The following NIPBL variants were observed in gnomAD, a reference collection of about 807,000 sequenced individuals.
The protein encoded by NIPBL is NIPBL cohesin loading factor, also known as nipped-B-like protein.
NIPBL carries 19 observed loss-of-function variants against 321.8 expected under a neutral mutation model. The ratio of observed to expected loss-of-function variants is 0.06; its 90% CI spans 0.04 to 0.09. The LOEUF (loss-of-function observed/expected upper bound fraction) is 0.09, where lower values mean the gene tolerates loss of function less well. Ranked by LOEUF, NIPBL falls within the 10% of genes least tolerant of loss-of-function variation. The pLI is 1.00. For synonymous variants in NIPBL, 1,106 were observed against 1,114.1 expected (o/e 0.99, Z 0.14); for missense variants, 2,210 against 3,327.0 (o/e 0.66, Z 8.26).
intron 32 of NIPBL, 61 bp downstream of exon 32, chr5:37,027,473 T>TG: frequency 3.4e-5 from 44 of 1,297,890 alleles, no homozygotes; most frequent in Non-Finnish European, 4.5e-5. Context: ...TTGTTGTTGG[T>TG]GTTTTTTTTT....
chr5:36,924,301 C>T (rs950775899), intron 1 of NIPBL, among the ~76,000 whole-genome samples: 4 of 152,060 alleles, frequency 2.6e-5, no homozygotes, highest in Admixed American at 2.6e-4. Context: ...TAGTGTGTTA[C>T]TGAATGTTTC....
chr5:37,035,261 C>T (rs1751556800), intron 32 of NIPBL, among the ~76,000 whole-genome samples: 1 of 152,198 alleles, frequency 6.6e-6, no homozygotes, highest in Non-Finnish European at 1.5e-5. Flanking sequence ...ACAATGAGAC[C>T]CTGTCTCAGA....
At chr5:36,922,772 T>C (rs6891775) in intron 1 of NIPBL, among the ~76,000 whole-genome samples, 4,968 of 152,278 alleles carry the variant, frequency 0.033, 262 homozygotes, top group African/African-American at 0.11. Context: ...TTATGTACCA[T>C]CGCAATTTTG....
At chr5:36,952,053 TGCGCGC>T (rs1554010277) in intron 1 of NIPBL, among the ~76,000 whole-genome samples, 3,276 of 112,212 alleles carry the variant, frequency 0.029, 75 homozygotes, top group Admixed American at 0.053. Context: ...TGTGTGTGTG[TGCGCGC>T]GCGCGCGCGC....
intron 3 of NIPBL, among the ~76,000 whole-genome samples, chr5:36,956,926 C>G (rs891632599): frequency 6.6e-6 from 1 of 151,766 alleles, no homozygotes; most frequent in Admixed American, 6.6e-5. Flanking sequence ...TGCCCAGCCT[C>G]TAAATCACTT....
intron 15 of NIPBL, 123 bp from the exon 16 acceptor site, chr5:37,003,138 C>A: frequency 1.6e-6 from 1 of 612,302 alleles, no homozygotes; most frequent in South Asian, 2.4e-5. Flanking sequence ...AGTTTTCTTA[C>A]TCTTTAAGAG....
At position 36,962,027 on chromosome 5, in the gene NIPBL, A is replaced by G. The variant is rs1741682730; in HGVS notation, c.459-96A>G. The G allele has an allele frequency of 2.2e-6, 3 of 1,349,532 alleles. No individual in the cohort carries two copies. The South Asian group carries it at 3.6e-5, about 16-fold the overall frequency. The allele number at this position is 1,349,532 out of a possible 1,614,324, so 83.6% of individuals were successfully genotyped here. Reference sequence around the variant, plus strand: ...GTTTGCATAGATTTTACATATATAAACTAAGAGATCAGAGGACTTTGTGAC... The same window carrying G: ...GTTTGCATAGATTTTACATATATAAGCTAAGAGATCAGAGGACTTTGTGAC... On this transcript the variant is annotated intron_variant, in intron 5 of 46. Transcript: ENST00000282516.
chr5:36,881,081 G>T (rs533867983), intron 1 of NIPBL, among the ~76,000 whole-genome samples: 1 of 152,042 alleles, frequency 6.6e-6, no homozygotes, highest in Non-Finnish European at 1.5e-5. Context: ...CATTTTTCTT[G>T]TCTTTGAGAG....
chr5:37,041,672 C>T (rs1055121815), intron 34 of NIPBL, among the ~76,000 whole-genome samples: 8 of 152,030 alleles, frequency 5.3e-5, no homozygotes, highest in Non-Finnish European at 1.2e-4. Context: ...AAGCGATTCT[C>T]ATGCCTTAGC....
chr5:37,037,689 T>C (rs960699780), intron 33 of NIPBL, among the ~76,000 whole-genome samples: 1 of 150,742 alleles, frequency 6.6e-6, no homozygotes, highest in African/African-American at 2.4e-5. Context: ...GTTCCGTTTT[T>C]TTATTTTTCC....
At chr5:36,988,013 C>G (rs1255756817) in intron 10 of NIPBL, among the ~76,000 whole-genome samples, 2 of 151,708 alleles carry the variant, frequency 1.3e-5, no homozygotes, top group Non-Finnish European at 2.9e-5. Context: ...AAAGTGGTAC[C>G]CTCTTGTTCC....
At position 37,007,917 on chromosome 5, in the gene NIPBL, G is replaced by A. The variant is rs1747634644; in HGVS notation, c.4240-91G>A. On this transcript the variant is annotated intron_variant, in intron 18 of 46. Transcript: ENST00000282516. ...AAAAATGCTTTCTTAGTGTTTTCCA[G>A]TAAGCTTATGAATGTATTGGAATTT... The A allele has an allele frequency of 6.1e-6, 5 of 813,984 alleles. No homozygotes were observed. In the South Asian group the frequency reaches 7.1e-5, roughly 12 times the overall value. 50.4% of individuals were successfully genotyped at this position (813,984 alleles called of 1,614,324 possible).
At chr5:36,889,879 CT>C (rs1191329200) in intron 1 of NIPBL, among the ~76,000 whole-genome samples, 1 of 150,934 alleles carries the variant, frequency 6.6e-6, no homozygotes, top group Non-Finnish European at 1.5e-5. Context: ...AAGTTGAAGA[CT>C]TTTCTTAATT....
chr5:36,925,315 C>T (rs1321139154), intron 1 of NIPBL, among the ~76,000 whole-genome samples: 6 of 150,138 alleles, frequency 4.0e-5, no homozygotes, highest in Non-Finnish European at 7.4e-5. Flanking sequence ...GTTGCCCAGG[C>T]TGGTGTGCAA....
At chr5:36,955,327 A>G in intron 2 of NIPBL, 145 bp from the exon 3 acceptor site, 1 of 692,048 alleles carries the variant, frequency 1.4e-6, no homozygotes, top group Non-Finnish European at 2.5e-6. Context: ...GGGTTGATTG[A>G]GGTTTGTTAG....
chr5:36,880,622 G>A lies in NIPBL; in HGVS notation c.-80+3444G>A, dbSNP rs1203171533. On this transcript the variant is annotated intron_variant, in intron 1 of 46. Transcript: ENST00000282516. ...AAGGCTGACAACTAACTGTTCAGTT[G>A]AACATGCTTATTTTAATATCCTGAG... Among the ~76,000 whole-genome samples the A allele has an allele frequency of 2.6e-5, 4 of 152,008 alleles. No individual in the cohort carries two copies. In the South Asian group the frequency reaches 8.3e-4, roughly 31 times the overall value.
chr5:36,966,544 C>T (rs1398132220), intron 6 of NIPBL, among the ~76,000 whole-genome samples: 1 of 151,858 alleles, frequency 6.6e-6, no homozygotes, highest in African/African-American at 2.4e-5. Flanking sequence ...CATATTTTTC[C>T]CTTTGCAATT....
intron 20 of NIPBL, 91 bp from the exon 21 acceptor site, chr5:37,009,996 C>T: frequency 1.0e-6 from 1 of 1,001,356 alleles, no homozygotes; most frequent in Non-Finnish European, 1.6e-6. Context: ...GAAATATTGG[C>T]AAACACAGTA....
rs1390025587 is a variant in NIPBL, at chr5:37,017,038, A to C, written c.4796A>C (p.Lys1599Thr). 3 of 1,609,772 alleles carry C rather than the reference A, an allele frequency of 1.9e-6. No individual in the cohort carries two copies. The highest frequency in any genetic ancestry group is 2.5e-6 in the Non-Finnish European group (3 of 1,177,238). The change falls in exon 24 of 47, where the codon AAG becomes ACG. Residue 1599 changes from lysine to threonine, a missense_variant. Around this residue, in one of 14 missense-constraint regions of NIPBL, gnomAD observed 28 missense variants for 91.3 expected, o/e 0.31. Transcript: ENST00000282516. Reference sequence around the variant, plus strand: ...ATTTAGGTTCATCAGTTCAGTAACAAGTCAACAGAGATGGCTTTAAGAGTG... The same window carrying C: ...ATTTAGGTTCATCAGTTCAGTAACACGTCAACAGAGATGGCTTTAAGAGTG... ...GRLLVHQFSN[K>T]STEMALRVAS...
Sources: gnomAD v4.1 joint callset for allele counts (sites outside exome capture counted in the v4.1 genomes callset) on GRCh38, gnomAD v4.1.1 for gene constraint, gnomAD v4.1.1 regional missense constraint, MANE v1.5 for transcripts, NCBI Gene and HGNC (gene_info 2026-07-23, HGNC 2026-07-21) for gene names.